The following AIDA variants were observed in gnomAD, a reference collection of about 807,000 sequenced individuals.
AIDA encodes axin interactor, dorsalization associated, also known as axin interactor, dorsalization-associated protein.
AIDA carries 18 observed loss-of-function variants against 42.7 expected under a neutral mutation model. That is an observed-to-expected ratio of 0.42 (90% CI 0.29 to 0.63). The LOEUF (loss-of-function observed/expected upper bound fraction) is 0.63. Ranked by LOEUF, AIDA falls within the 20% of genes least tolerant of loss-of-function variation. The pLI is 0.19. For synonymous variants in AIDA, 104 were observed against 122.9 expected, an observed-to-expected ratio of 0.85 and a Z score of 1.02; for missense variants, 250 against 354.1, an observed-to-expected ratio of 0.71 and a Z score of 2.36.
chr1:222,679,191 G>A (rs1189013942), intron 6 of AIDA, among the ~76,000 whole-genome samples: 1 of 152,022 alleles, frequency 6.6e-6, no homozygotes, highest in African/African-American at 2.4e-5. Context: ...AGGGTTAGAT[G>A]AAAAAGTTAA....
intron 6 of AIDA, 142 bp downstream of exon 6, chr1:222,686,788 C>T (rs1571930630): frequency 1.1e-6 from 1 of 938,536 alleles, no homozygotes; most frequent in Non-Finnish European, 1.6e-6. Context: ...TATGAAATAG[C>T]TACTGCCAAT....
chr1:222,685,605 GTAAAC>G (rs1353543968), intron 6 of AIDA, among the ~76,000 whole-genome samples: 1 of 152,140 alleles, frequency 6.6e-6, no homozygotes, highest in Non-Finnish European at 1.5e-5. Flanking sequence ...ACTTCCTAAA[GTAAAC>G]TAGTTTATTA....
At chr1:222,712,125 C>T (rs1353827183) in intron 1 of AIDA, 83 bp downstream of exon 1, 2 of 1,540,226 alleles carry the variant, frequency 1.3e-6, no homozygotes, top group South Asian at 2.4e-5. Context: ...GCTGCAGATA[C>T]GGTGATGAGA....
chr1:222,705,350 A>G (rs1041732481), intron 1 of AIDA, among the ~76,000 whole-genome samples: 2 of 152,170 alleles, frequency 1.3e-5, no homozygotes, highest in East Asian at 1.9e-4. Flanking sequence ...TACCACCTAC[A>G]TGGAGTACTC....
chr1:222,701,735 TCAAGA>T (rs1235502876), intron 2 of AIDA, among the ~76,000 whole-genome samples: 1 of 152,192 alleles, frequency 6.6e-6, no homozygotes, highest in African/African-American at 2.4e-5. Flanking sequence ...TTATTTATTT[TCAAGA>T]CAAGAGTCTT....
At chr1:222,679,824 G>A (rs922085869) in intron 6 of AIDA, among the ~76,000 whole-genome samples, 8 of 152,172 alleles carry the variant, frequency 5.3e-5, no homozygotes, top group African/African-American at 1.9e-4. Flanking sequence ...CTCTGTTGCC[G>A]TGTAATGTAA....
At chr1:222,687,719 T>C in intron 4 of AIDA, 61 bp from the exon 5 acceptor site, 2 of 1,205,256 alleles carry the variant, frequency 1.7e-6, no homozygotes, top group Non-Finnish European at 2.3e-6. Flanking sequence ...AAATTATATC[T>C]TAAATGATTA....
intron 2 of AIDA, among the ~76,000 whole-genome samples, chr1:222,695,284 G>T (rs1035377457): frequency 4.6e-5 from 7 of 152,170 alleles, no homozygotes; most frequent in African/African-American, 1.7e-4. Context: ...TTGAGGTTGG[G>T]GGTTCAAGAC....
chr1:222,699,897 G>A (rs1373986401), intron 2 of AIDA, among the ~76,000 whole-genome samples: 2 of 151,384 alleles, frequency 1.3e-5, no homozygotes, highest in Non-Finnish European at 2.9e-5. Flanking sequence ...TCAGCCTCCC[G>A]AGTAGCTGGG....
intron 5 of AIDA, 148 bp from the exon 6 acceptor site, chr1:222,687,184 C>G: frequency 7.6e-7 from 1 of 1,309,380 alleles, no homozygotes; most frequent in Non-Finnish European, 1.0e-6. Flanking sequence ...AATCCTAGCA[C>G]TTTTGGAGGC....
intron 4 of AIDA, among the ~76,000 whole-genome samples, chr1:222,692,542 T>C (rs896217833): frequency 6.6e-6 from 1 of 152,206 alleles, no homozygotes; most frequent in Admixed American, 6.5e-5. Flanking sequence ...CCTGAAGACA[T>C]TCAATTCTAT....
chr1:222,704,519 T>G (rs1655790804), intron 1 of AIDA, among the ~76,000 whole-genome samples: 1 of 152,106 alleles, frequency 6.6e-6, no homozygotes, highest in Non-Finnish European at 1.5e-5. Context: ...CAGATGAACT[T>G]CAAAAACATT....
chr1:222,676,109 T>A lies in AIDA; in HGVS notation c.570A>T (p.Thr190=). 2.5e-6 allele frequency: 4 copies of A among 1,592,800 alleles called. No homozygotes were observed. The South Asian group carries it at 3.4e-5, about 14-fold the overall frequency. The part of the protein sequence containing the change: ...DAGQCIDPYI[T]VSVKDLNGID... Reference sequence around the variant, plus strand: ...AGAGTCACTTACCCTTTACACTAACTGTAATATAGGGATCGATGCACTGCC... The same window carrying A: ...AGAGTCACTTACCCTTTACACTAACAGTAATATAGGGATCGATGCACTGCC... Residue 190 remains threonine (T), a synonymous_variant, in exon 7 of 10, where the codon ACA becomes ACT. Coordinates refer to ENST00000340020, the MANE Select transcript of AIDA (RefSeq NM_022831.4).
chr1:222,697,893 G>T (rs557999223), intron 2 of AIDA, among the ~76,000 whole-genome samples: 96 of 152,162 alleles, frequency 6.3e-4, no homozygotes, highest in Non-Finnish European at 9.6e-4. Flanking sequence ...GGAAAGGAGA[G>T]CATTATAAAA....
At chr1:222,684,193 C>A in intron 6 of AIDA, among the ~76,000 whole-genome samples, 1 of 151,848 alleles carries the variant, frequency 6.6e-6, no homozygotes, top group East Asian at 1.9e-4. Flanking sequence ...GCTCACGGCA[C>A]CTCCGCCTCC....
chr1:222,692,368 C>T (rs548165939), intron 4 of AIDA, among the ~76,000 whole-genome samples: 2 of 152,174 alleles, frequency 1.3e-5, no homozygotes, highest in African/African-American at 4.8e-5. Flanking sequence ...CCTGCTCTCA[C>T]GGAGCACAGA....
At chr1:222,678,763 G>A (rs976615540) in intron 6 of AIDA, among the ~76,000 whole-genome samples, 2 of 152,142 alleles carry the variant, frequency 1.3e-5, no homozygotes, top group Admixed American at 6.5e-5. Context: ...AGAGAAAGGT[G>A]TATTTCTCAG....
intron 2 of AIDA, among the ~76,000 whole-genome samples, chr1:222,699,487 A>G (rs1655622071): frequency 6.6e-6 from 1 of 152,234 alleles, no homozygotes; most frequent in South Asian, 2.1e-4. Flanking sequence ...AAAAGCAAAT[A>G]AATTTTAAAA....
chr1:222,701,938 G>A (rs1326754206), intron 2 of AIDA, among the ~76,000 whole-genome samples: 1 of 151,838 alleles, frequency 6.6e-6, no homozygotes, highest in Non-Finnish European at 1.5e-5. Context: ...TGGCCAGGCT[G>A]GTCTCGAACT....
Sources: allele counts gnomAD v4.1 joint callset (sites outside exome capture counted in the v4.1 genomes callset), GRCh38; gene constraint gnomAD v4.1.1; transcripts MANE v1.5; gene names NCBI Gene and HGNC (gene_info 2026-07-23, HGNC 2026-07-21).